Variants in RAD54L observed in about 807,000 individuals in gnomAD.
The protein encoded by RAD54L is RAD54 like.
In RAD54L, 74 loss-of-function variants were observed where a neutral mutation model predicts 91.6. The ratio of observed to expected loss-of-function variants is 0.81; its 90% CI spans 0.67 to 0.98. The LOEUF (loss-of-function observed/expected upper bound fraction) is 0.98, where lower values mean the gene tolerates loss of function less well. Ranked by LOEUF, RAD54L falls within the 50% of genes least tolerant of loss-of-function variation. The pLI is 0.00. For missense variants in RAD54L, 887 were observed against 945.7 expected (o/e 0.94, Z 0.81); for synonymous variants, 304 against 349.7 (o/e 0.87, Z 1.46).
intron 9 of RAD54L, 101 bp from the exon 10 acceptor site, chr1:46,270,558 G>T: frequency 6.7e-7 from 1 of 1,488,448 alleles, no homozygotes; most frequent in South Asian, 1.1e-5. Flanking sequence ...CCTTGTTCTT[G>T]GTAGGAAGGC....
chr1:46,261,430 A>G (rs1425815514), intron 8 of RAD54L, 45 bp downstream of exon 8: 1 of 1,610,874 alleles, frequency 6.2e-7, no homozygotes, highest in African/African-American at 1.3e-5. Flanking sequence ...AAATCTGTCA[A>G]AATCTCTTCA....
intron 2 of RAD54L, among the ~76,000 whole-genome samples, chr1:46,249,789 G>A (rs1000268852): frequency 2.0e-5 from 3 of 152,136 alleles, no homozygotes; most frequent in African/African-American, 7.2e-5. Context: ...GTTTAGGCAG[G>A]TTATTTAATC....
intron 15 of RAD54L, 76 bp downstream of exon 15, chr1:46,274,292 G>A: frequency 6.7e-7 from 1 of 1,490,220 alleles, no homozygotes; most frequent in Non-Finnish European, 9.3e-7. Context: ...AGCTATAAGG[G>A]GTTACCTTGA....
chr1:46,277,973 CAT>C lies in RAD54L; in HGVS notation c.2027_2028del (p.His676ArgfsTer19), dbSNP rs776278206. 42 of 1,614,184 alleles carry C rather than the reference CAT, an allele frequency of 2.6e-5. No homozygotes were observed. In the South Asian group the frequency reaches 3.0e-4, roughly 11 times the overall value. ...ILDEASLSDTHDRLHCRRCVN... is the reference protein window; with the variant it reads ...ILDEASLSDTXDRLHCRRCVN... ...GGATGAAGCTAGCCTCAGTGACACA[CAT>C]GACAGGTGGGGAAGTGCCCTAACCA... On this transcript the variant is annotated frameshift_variant, in exon 17 of 18. Coordinates refer to ENST00000371975, the MANE Select transcript of RAD54L (RefSeq NM_003579.4). LOFTEE classifies it high-confidence loss of function.
At chr1:46,277,430 T>C in intron 16 of RAD54L, 2 of 315,532 alleles carry the variant, frequency 6.3e-6, no homozygotes, top group South Asian at 6.1e-5. Flanking sequence ...ATGATTCTTT[T>C]TTGTATGCTA....
chr1:46,274,448 T>C (rs1381411485), intron 15 of RAD54L, 90 bp from the exon 16 acceptor site: 8 of 1,454,638 alleles, frequency 5.5e-6, no homozygotes, highest in Admixed American at 1.7e-5. Flanking sequence ...CTGAGTAGTA[T>C]AGAGGCATGA....
intron 12 of RAD54L, 53 bp downstream of exon 12, chr1:46,272,855 A>T: frequency 6.2e-7 from 1 of 1,609,292 alleles, no homozygotes. Flanking sequence ...AAGGGAGGGT[A>T]GGTTCCTGTA....
chr1:46,248,573 A>T lies in RAD54L; in HGVS notation c.65A>T (p.Asp22Val). ...AAACCTGAAGGCAGGTCCTGTGATG[A>T]TGAAGACTGGCAACCTGGCCTAGTG... ...KRKPEGRSCD[D>V]EDWQPGLVTP... is the part of the protein sequence containing the mutation. Residue 22 changes from aspartate to valine, a missense_variant, in exon 2 of 18, where the codon GAT (aspartate) becomes GTT (valine). Coordinates refer to ENST00000371975, the MANE Select transcript of RAD54L (RefSeq NM_003579.4). 6.2e-7 allele frequency: 1 copy of T among 1,614,170 alleles called. No homozygotes were observed. Among genetic ancestry groups the T allele is most frequent in the Non-Finnish European group, 8.5e-7 (1 of 1,180,028 alleles).
intron 9 of RAD54L, among the ~76,000 whole-genome samples, chr1:46,270,414 A>T (rs1660389322): frequency 6.6e-6 from 1 of 151,884 alleles, no homozygotes; most frequent in South Asian, 2.1e-4. Flanking sequence ...TGGACTATTC[A>T]ATCCATTTAC....
In RAD54L at chr1:46,265,302, G is replaced by T. The variant is rs1161123480; in HGVS notation, c.892-2157G>T. ...TTTCAAGACTAGCCTGGCCAACATGGTGAAACCCTGTTTCTACTAAAAATA... is the reference window on the plus strand; with the variant it reads ...TTTCAAGACTAGCCTGGCCAACATGTTGAAACCCTGTTTCTACTAAAAATA... On this transcript the variant is annotated intron_variant, in intron 8 of 17. Transcript: ENST00000371975. The surrounding 1 kb of genome is among the most constrained non-coding windows in gnomAD (Gnocchi z 4.8). Among the ~76,000 whole-genome samples the T allele has an allele frequency of 1.3e-5, 2 of 152,118 alleles. No homozygotes were observed. Among genetic ancestry groups the T allele is most frequent in the African/African-American group, 4.8e-5 (2 of 41,440 alleles).
chr1:46,261,343 A>C lies in RAD54L; in HGVS notation c.849A>C (p.Gly283=), dbSNP rs1023485591. The change falls in exon 8 of 18, where the codon GGA becomes GGC. Residue 283 remains glycine, a synonymous_variant. Transcript: ENST00000371975. The stretch of plus-strand genomic sequence containing the variant: ...ATGAGACCTTCCGCCTTCATGTTGG[A>C]GTCCTCCAGAAAGGAAGTGTTGGTC... The part of the protein sequence containing the change: ...ISYETFRLHV[G]VLQKGSVGLV... The C allele has an allele frequency of 1.2e-6, 2 of 1,613,754 alleles. No individual in the cohort carries two copies. The highest frequency in any genetic ancestry group is 1.7e-6 in the Non-Finnish European group (2 of 1,179,962).
intron 2 of RAD54L, 44 bp downstream of exon 2, chr1:46,248,642 A>T (rs1201207950): frequency 1.3e-6 from 2 of 1,582,838 alleles, no homozygotes; most frequent in African/African-American, 2.7e-5. Context: ...AGCTGTTTGG[A>T]CAGAAAAGAA....
intron 8 of RAD54L, among the ~76,000 whole-genome samples, chr1:46,261,968 T>TA (rs1210561739): frequency 6.6e-6 from 1 of 151,718 alleles, no homozygotes; most frequent in Non-Finnish European, 1.5e-5. Flanking sequence ...CACCTCTACT[T>TA]AAAAAAGATA....
chr1:46,267,437 C>G (rs1233832104), intron 8 of RAD54L, 22 bp from the exon 9 acceptor site: 1 of 1,613,468 alleles, frequency 6.2e-7, no homozygotes, highest in African/African-American at 1.3e-5. Context: ...ACATTGCGCT[C>G]TGAATAAGGA....
intron 10 of RAD54L, among the ~76,000 whole-genome samples, chr1:46,271,582 C>T (rs976207407): frequency 6.6e-5 from 10 of 151,850 alleles, no homozygotes; most frequent in Admixed American, 5.9e-4. Flanking sequence ...CGCTTGAACT[C>T]GAGAGGCAGA....
At position 46,259,989 on chromosome 1, in the gene RAD54L, C is replaced by A; in HGVS notation, c.297C>A (p.Gly99=). Residue 99 remains glycine, a synonymous_variant, in exon 5 of 18, where the codon GGC becomes GGA. Coordinates refer to ENST00000371975, the MANE Select transcript of RAD54L (RefSeq NM_003579.4). ...GTCCTCTGGGCTCTCGAGCATTGGG[C>A]CTGAAAAGGGCTGGGGTCCGCCGGG... is the stretch of plus-strand genomic sequence containing the variant. ...YQGPLGSRAL[G]LKRAGVRRAL... is the part of the protein sequence containing the mutation. The A allele has an allele frequency of 6.2e-7, 1 of 1,614,010 alleles. No homozygotes were observed. Among genetic ancestry groups the A allele is most frequent in the South Asian group, 1.1e-5 (1 of 91,074 alleles).
intron 9 of RAD54L, among the ~76,000 whole-genome samples, chr1:46,270,231 G>A (rs1325551735): frequency 6.6e-6 from 1 of 151,938 alleles, no homozygotes; most frequent in African/African-American, 2.4e-5. Flanking sequence ...ACCTGGGCAC[G>A]GAGAAGGGGT....
Position 46,274,708 on chromosome 1 carries a change from C to T in RAD54L, c.1860C>T (p.Arg620=), listed in dbSNP as rs2148303611. 6.2e-7 allele frequency: 1 copy of T among 1,614,108 alleles called. No homozygotes were observed. ...DGQKKTCYIY[R]LLSAGTIEEK... is the part of the protein sequence containing the mutation. ...AAAAGAAGACTTGCTATATCTACCG[C>T]CTGCTGTCTGTAAGGATGGTGATAG... Residue 620 remains arginine, a synonymous_variant, in exon 16 of 18, where the codon CGC becomes CGT. Transcript: ENST00000371975.
intron 8 of RAD54L, among the ~76,000 whole-genome samples, chr1:46,262,624 G>A (rs61784598): frequency 2.0e-5 from 3 of 151,980 alleles, no homozygotes; most frequent in Admixed American, 2.0e-4. Flanking sequence ...TGTCTGGGAG[G>A]GAGGATTTCT....
Sources: allele counts gnomAD v4.1 joint callset (sites outside exome capture counted in the v4.1 genomes callset), GRCh38; gene constraint gnomAD v4.1.1; non-coding constraint Gnocchi (gnomAD v3.1); transcripts MANE v1.5; gene names NCBI Gene and HGNC (gene_info 2026-07-23, HGNC 2026-07-21).